Variants in CCDC187 observed in about 807,000 individuals in gnomAD.
The protein encoded by CCDC187 is coiled-coil domain-containing protein 187.
In CCDC187, 32 loss-of-function variants were observed where a neutral mutation model predicts 38.0. The ratio of observed to expected loss-of-function variants is 0.84; its 90% confidence interval spans 0.64 to 1.13. CCDC187 has a LOEUF of 1.13. Ranked by LOEUF, CCDC187 falls within the 50% of genes most tolerant of loss-of-function variation. The pLI is 0.00. For synonymous variants in CCDC187, 333 were observed against 347.9 expected, an observed-to-expected ratio of 0.96 and a Z score of 0.48; for missense variants, 707 against 786.8, an observed-to-expected ratio of 0.90 and a Z score of 1.21.
chr9:136,290,518 C>A lies in CCDC187; in HGVS notation c.2095G>T (p.Val699Leu). Residue 699 changes from valine (V) to leucine (L), a missense_variant, in exon 6 of 26, where the codon GTG becomes TTG. By Grantham distance (32) the Val-to-Leu change is conservative. Transcript: ENST00000638797. Reference sequence around the variant, plus strand: ...TGTGCAGAACTGGGGACAAAGGTCACGATGCCAGGGGTGGTCCGGGAGACC... The same window carrying A: ...TGTGCAGAACTGGGGACAAAGGTCAAGATGCCAGGGGTGGTCCGGGAGACC... Reference protein sequence around the residue: ...PVVSRTTPGIVTFVPSSAQSG... With the variant: ...PVVSRTTPGILTFVPSSAQSG... The A allele has an allele frequency of 2.5e-6, 1 of 398,674 alleles. No individual in the cohort carries two copies. Among genetic ancestry groups the A allele is most frequent in the Non-Finnish European group, 4.4e-6 (1 of 226,120 alleles). 24.7% of individuals were successfully genotyped at this position (398,674 alleles called of 1,614,324 possible).
rs984519816 is a variant in CCDC187, at chr9:136,259,103, G to A, written c.4297-102C>T. The A allele has an allele frequency of 6.7e-6, 6 of 901,226 alleles. No homozygotes were observed. The Admixed American group carries it at 1.9e-4, about 28-fold the overall frequency. The allele number at this position is 901,226 out of a possible 1,614,324, so 55.8% of individuals were successfully genotyped here. On this transcript the variant is annotated intron_variant, in intron 21 of 25. Transcript: ENST00000638797. The stretch of plus-strand genomic sequence containing the variant: ...GGATGGGGACAGATGGGGACAGACT[G>A]GGGTGGATGGGGACAGCCGGGGGCG...
At chr9:136,280,003 T>TC (rs1451803786) in intron 10 of CCDC187, among the ~76,000 whole-genome samples, 9 of 152,248 alleles carry the variant, frequency 5.9e-5, no homozygotes, top group African/African-American at 1.9e-4. Context: ...TTCTTGGACT[T>TC]CCCAGACTCC....
intron 4 of CCDC187, among the ~76,000 whole-genome samples, chr9:136,294,615 C>G (rs1320100904): frequency 6.6e-6 from 1 of 152,218 alleles, no homozygotes; most frequent in African/African-American, 2.4e-5. Context: ...ACTTCCCTAG[C>G]ACCCCCCAGA....
rs1380087002 is a variant in CCDC187, at chr9:136,297,718, G to A, written c.828C>T (p.Asp276=). Residue 276 remains aspartate, a synonymous_variant, in exon 4 of 26, where the codon GAC becomes GAT. Transcript: ENST00000638797. ...PRRAAKDKHK[D]EDSELVGVYA... The stretch of plus-strand genomic sequence containing the variant: ...CCCCAAAATAGCAAACCTTACCTTC[G>A]TCTTTGTGTTTGTCTTTGGCCGCTC... 5.8e-5 allele frequency: 23 copies of A among 398,784 alleles called. No homozygotes were observed. The highest frequency in any genetic ancestry group is 6.2e-5 in the African/African-American group (3 of 48,736). The allele number at this position is 398,784 out of a possible 1,614,324, so 24.7% of individuals were successfully genotyped here.
At chr9:136,279,287 G>A (rs1830994456) in intron 10 of CCDC187, among the ~76,000 whole-genome samples, 2 of 152,124 alleles carry the variant, frequency 1.3e-5, no homozygotes, top group Non-Finnish European at 2.9e-5. Context: ...CTCTGCTCTG[G>A]GTGTTTAAGT....
rs1001347455 is a variant in CCDC187, at chr9:136,290,558, G to A, written c.2055C>T (p.Gly685=). Reference sequence around the variant, plus strand: ...TCCGGGAGACCACGGGGACCGCCCTGCCGAGGACGGCCTCCCTCTGCTGCC... The same window carrying A: ...TCCGGGAGACCACGGGGACCGCCCTACCGAGGACGGCCTCCCTCTGCTGCC... The part of the protein sequence containing the change: ...VYRQQREAVL[G]RAVPVVSRTT... The change falls in exon 6 of 26, where the codon GGC becomes GGT. Residue 685 remains glycine, a synonymous_variant. Coordinates refer to ENST00000638797, the MANE Select transcript of CCDC187 (RefSeq NM_001378188.1). 58 of 398,954 alleles carry A rather than the reference G, an allele frequency of 1.5e-4. No individual in the cohort carries two copies. The highest frequency in any genetic ancestry group is 2.3e-4 in the Non-Finnish European group (51 of 226,430). 24.7% of individuals were successfully genotyped at this position (398,954 alleles called of 1,614,324 possible). A position where few individuals can be genotyped will look rare whatever the true frequency, so the allele number is the denominator to read the frequency against.
intron 3 of CCDC187, among the ~76,000 whole-genome samples, chr9:136,299,935 T>C (rs1831633835): frequency 6.6e-6 from 1 of 152,196 alleles, no homozygotes; most frequent in Non-Finnish European, 1.5e-5. Flanking sequence ...GCAGGAGATC[T>C]CTCAGCAAAA....
At chr9:136,281,781 G>C in intron 9 of CCDC187, 118 bp from the exon 10 acceptor site, 1 of 397,640 alleles carries the variant, frequency 2.5e-6, no homozygotes, top group Non-Finnish European at 4.4e-6. Context: ...GCCTGGAGCA[G>C]CTCTCAGACC....
intron 3 of CCDC187, among the ~76,000 whole-genome samples, chr9:136,298,144 A>G (rs2131350545): frequency 6.6e-6 from 1 of 152,352 alleles, no homozygotes; most frequent in South Asian, 2.1e-4. Context: ...TCCTGAGGAC[A>G]GGAACCAGTT....
intron 12 of CCDC187, among the ~76,000 whole-genome samples, chr9:136,275,262 C>T (rs1319737787): frequency 6.6e-6 from 1 of 152,102 alleles, no homozygotes; most frequent in Non-Finnish European, 1.5e-5. Context: ...AGCTGGGGGA[C>T]CAGCTGCATG....
rs34202261 is a variant in CCDC187, at chr9:136,273,683, T to TC, written c.3442+974dup. On this transcript the variant is annotated intron_variant, in intron 14 of 25. Transcript: ENST00000638797. ...TGATCTAAGTGTTACCACAGGACAC[T>TC]CCCCCCAGCAACAACAGAATAGACA... 8.2e-4 allele frequency among the ~76,000 whole-genome samples: 125 copies of TC among 152,200 alleles called. No homozygotes were observed. The Middle Eastern group carries it at 0.014, about 17-fold the overall frequency.
upstream of CCDC187, chr9:136,306,875 T>TG (rs1831810561): frequency 7.0e-4 from 107 of 152,410 alleles, no homozygotes; most frequent in African/African-American, 2.5e-3. Context: ...GACATGCGGC[T>TG]GTCTCTGAGG....
Position 136,250,359 on chromosome 9 carries a change from C to A in CCDC187, c.*3235G>T, listed in dbSNP as rs1316696262. ...GTCACGCTGGTTCCAGCTGTGACTG[C>A]AGCCGCCACCGCATTGCGCCGCACG... On this transcript the variant is annotated 3_prime_UTR_variant, in exon 26 of 26. Coordinates refer to ENST00000638797, the MANE Select transcript of CCDC187 (RefSeq NM_001378188.1). 2.6e-5 allele frequency: 5 copies of A among 195,884 alleles called. No individual in the cohort carries two copies. The Admixed American group carries it at 2.7e-4, about 11-fold the overall frequency. The allele number at this position is 195,884 out of a possible 1,614,324, so 12.1% of individuals were successfully genotyped here.
chr9:136,255,593 T>C, intron 25 of CCDC187, 64 bp downstream of exon 25: 1 of 740,930 alleles, frequency 1.3e-6, no homozygotes, highest in Non-Finnish European at 1.6e-6. Context: ...GATGTAGAAA[T>C]GGCTTGGGGG....
At chr9:136,271,709 G>A (rs1481592013) in intron 14 of CCDC187, among the ~76,000 whole-genome samples, 2 of 145,330 alleles carry the variant, frequency 1.4e-5, no homozygotes, top group Non-Finnish European at 3.0e-5. Context: ...CTGGGTTCAC[G>A]CCATTCTCCT....
intron 9 of CCDC187, among the ~76,000 whole-genome samples, chr9:136,283,918 A>G (rs1831108032): frequency 1.3e-5 from 2 of 152,214 alleles, no homozygotes; most frequent in African/African-American, 4.8e-5. Context: ...TCTGGTCACA[A>G]TGGCTCAGTT....
chr9:136,297,483 C>G (rs1052426207), intron 4 of CCDC187, among the ~76,000 whole-genome samples: 1 of 152,162 alleles, frequency 6.6e-6, no homozygotes, highest in African/African-American at 2.4e-5. Flanking sequence ...CCTGCCCGGA[C>G]AGGAACCACC....
At chr9:136,295,260 C>T (rs1332059966) in intron 4 of CCDC187, among the ~76,000 whole-genome samples, 2 of 152,232 alleles carry the variant, frequency 1.3e-5, no homozygotes, top group African/African-American at 2.4e-5. Flanking sequence ...GGCCAGGGAC[C>T]CGCCTGGGGA....
At chr9:136,262,515 C>T (rs782648699) in intron 18 of CCDC187, 53 bp from the exon 19 acceptor site, 398 of 986,844 alleles carry the variant, frequency 4.0e-4, no homozygotes, top group Non-Finnish European at 4.7e-4. Flanking sequence ...CCCATTTCCT[C>T]CTCAGAAAAG....
Sources: allele counts gnomAD v4.1 joint callset (sites outside exome capture counted in the v4.1 genomes callset), GRCh38; gene constraint gnomAD v4.1.1; transcripts MANE v1.5; gene names NCBI Gene and HGNC (gene_info 2026-07-23, HGNC 2026-07-21).